SEZ6L: variants seen among roughly 807,000 people sequenced by gnomAD.
SEZ6L encodes seizure related 6 homolog like.
SEZ6L carries 37 observed loss-of-function variants against 106.2 expected under a neutral mutation model. That is an observed-to-expected ratio of 0.35 (90% CI 0.27 to 0.46). The LOEUF (loss-of-function observed/expected upper bound fraction) is 0.46. SEZ6L is among the 20% of genes least tolerant of loss of function. The pLI, the probability that SEZ6L is intolerant of heterozygous loss-of-function variation, is 1.00. For synonymous variants in SEZ6L, 541 were observed against 570.4 expected (o/e 0.95, Z 0.73); for missense variants, 1,172 against 1,332.8 (o/e 0.88, Z 1.88).
chr22:26,254,639 T>C (rs2144349), intron 1 of SEZ6L, among the ~76,000 whole-genome samples: 56,242 of 151,902 alleles, frequency 0.37, 11,241 homozygotes, highest in Middle Eastern at 0.51. Flanking sequence ...AAATAACACA[T>C]GTAAAACACC....
intron 1 of SEZ6L, among the ~76,000 whole-genome samples, chr22:26,240,901 AG>A (rs1352290414): frequency 3.9e-5 from 6 of 152,276 alleles, no homozygotes; most frequent in Non-Finnish European, 8.8e-5. Flanking sequence ...CATTCTGGAA[AG>A]GCCTAGGAAG....
At chr22:26,349,405 T>C (rs2083198489) in intron 11 of SEZ6L, among the ~76,000 whole-genome samples, 1 of 152,178 alleles carries the variant, frequency 6.6e-6, no homozygotes, top group African/African-American at 2.4e-5. Context: ...AATGATAGAA[T>C]AGAAAGTGAA....
intron 1 of SEZ6L, among the ~76,000 whole-genome samples, chr22:26,271,673 C>T (rs1368294578): frequency 6.6e-6 from 1 of 152,182 alleles, no homozygotes; most frequent in Non-Finnish European, 1.5e-5. Flanking sequence ...GATGTGATTG[C>T]TCCCGCTTCA....
At chr22:26,343,342 A>AAAAAT (rs139296447) in intron 10 of SEZ6L, among the ~76,000 whole-genome samples, 79 of 148,508 alleles carry the variant, frequency 5.3e-4, no homozygotes, top group African/African-American at 1.8e-3. Flanking sequence ...AAAAAAAAAA[A>AAAAAT]CTGACTGACT....
At chr22:26,310,600 T>C (rs1027223597) in intron 6 of SEZ6L, 70 bp from the exon 7 acceptor site, 11 of 1,537,768 alleles carry the variant, frequency 7.2e-6, no homozygotes, top group African/African-American at 6.8e-5. Flanking sequence ...TCGTAGCACA[T>C]CCCTTCCTCT....
chr22:26,176,042 T>C (rs1938977730), intron 1 of SEZ6L, among the ~76,000 whole-genome samples: 1 of 152,276 alleles, frequency 6.6e-6, no homozygotes, highest in Non-Finnish European at 1.5e-5. Context: ...ATAACACTGC[T>C]GTTTGCCATT....
intron 12 of SEZ6L, among the ~76,000 whole-genome samples, chr22:26,356,924 G>T (rs1272981233): frequency 6.6e-6 from 1 of 151,806 alleles, no homozygotes; most frequent in Non-Finnish European, 1.5e-5. Flanking sequence ...TAGTTCACAA[G>T]GGTCCAACAC....
intron 1 of SEZ6L, among the ~76,000 whole-genome samples, chr22:26,175,590 G>A (rs578141308): frequency 6.6e-6 from 1 of 152,214 alleles, no homozygotes; most frequent in South Asian, 2.1e-4. Flanking sequence ...TCCCAAAAAA[G>A]ATGAACATAG....
At chr22:26,277,107 T>TTC (rs2080573174) in intron 1 of SEZ6L, among the ~76,000 whole-genome samples, 1 of 129,764 alleles carries the variant, frequency 7.7e-6, no homozygotes, top group Non-Finnish European at 1.5e-5. Flanking sequence ...CACTGAGTCT[T>TTC]TTTTTTTTTT....
rs137200 is a variant in SEZ6L at position 26,286,745 on chromosome 22, C to CT, written c.95-5642dup. On this transcript the variant is annotated intron_variant, in intron 1 of 16. Coordinates refer to ENST00000248933, the MANE Select transcript of SEZ6L (RefSeq NM_021115.5). ...CAAACCTTCAGCTTCAGAGCTTGTG[C>CT]TTTTTTTTTTTTTTTTTTTGAGATG... Among the ~76,000 whole-genome samples the CT allele has an allele frequency of 3.8e-3, 449 of 118,616 alleles. 5 individuals are homozygous for CT. The highest frequency in any genetic ancestry group is 8.4e-3 in the South Asian group (31 of 3,688). The allele number at this position is 118,616 out of a possible 152,430, so 77.8% of individuals were successfully genotyped here. A position where few individuals can be genotyped will look rare whatever the true frequency, so the allele number is the denominator to read the frequency against.
intron 1 of SEZ6L, among the ~76,000 whole-genome samples, chr22:26,247,858 G>A (rs2079415756): frequency 6.6e-6 from 1 of 152,168 alleles, no homozygotes; most frequent in Admixed American, 6.5e-5. Context: ...CCATGCAAAG[G>A]TTGTAGAACA....
At chr22:26,310,548 C>T (rs2081788906) in intron 6 of SEZ6L, 122 bp from the exon 7 acceptor site, 1 of 1,059,182 alleles carries the variant, frequency 9.4e-7, no homozygotes, top group Non-Finnish European at 1.4e-6. Context: ...AAAAAAGAGG[C>T]AGAGTTAGGT....
At chr22:26,245,319 G>A (rs2145780651) in intron 1 of SEZ6L, among the ~76,000 whole-genome samples, 1 of 152,268 alleles carries the variant, frequency 6.6e-6, no homozygotes, top group South Asian at 2.1e-4. Context: ...GAAAAACTGG[G>A]ATGCAGTAAA....
intron 1 of SEZ6L, among the ~76,000 whole-genome samples, chr22:26,172,503 A>G (rs1938693500): frequency 6.6e-6 from 1 of 152,192 alleles, no homozygotes; most frequent in Non-Finnish European, 1.5e-5. Context: ...AAGCTGTTCA[A>G]ATGAGCTCGA....
At chr22:26,289,728 C>A (rs1308696113) in intron 1 of SEZ6L, among the ~76,000 whole-genome samples, 1 of 152,182 alleles carries the variant, frequency 6.6e-6, no homozygotes, top group Non-Finnish European at 1.5e-5. Flanking sequence ...GATTAAGCCA[C>A]CGCCGCCAAC....
intron 1 of SEZ6L, among the ~76,000 whole-genome samples, chr22:26,253,069 A>G (rs944049191): frequency 1.3e-5 from 2 of 152,192 alleles, no homozygotes; most frequent in African/African-American, 4.8e-5. Context: ...AGAGTGAATT[A>G]TTTCATTTAA....
Position 26,316,392 on chromosome 22 carries a change from G to A in SEZ6L, c.2015+2490G>A, listed in dbSNP as rs560499723. 7.2e-5 allele frequency among the ~76,000 whole-genome samples: 11 copies of A among 152,350 alleles called. No homozygotes were observed. The East Asian group carries it at 2.1e-3, about 29-fold the overall frequency. On this transcript the variant is annotated intron_variant, in intron 9 of 16. Coordinates refer to ENST00000248933, the MANE Select transcript of SEZ6L (RefSeq NM_021115.5). ...CAGTCCTCACCCTGCATGCCTAGCA[G>A]GTGAGGCAGGTAAGAAAGTAAATGC...
intron 1 of SEZ6L, among the ~76,000 whole-genome samples, chr22:26,201,935 A>G (rs1374693736): frequency 1.3e-5 from 2 of 152,156 alleles, no homozygotes; most frequent in Non-Finnish European, 2.9e-5. Context: ...TTTGCTTGAG[A>G]TGGAGTCTGG....
At chr22:26,283,461 T>C (rs932834607) in intron 1 of SEZ6L, among the ~76,000 whole-genome samples, 5 of 152,190 alleles carry the variant, frequency 3.3e-5, no homozygotes, top group African/African-American at 1.2e-4. Context: ...AAGTTGGTGG[T>C]AGAATACTAA....
Sources: allele counts gnomAD v4.1 joint callset (sites outside exome capture counted in the v4.1 genomes callset), GRCh38; gene constraint gnomAD v4.1.1; transcripts MANE v1.5; gene names NCBI Gene and HGNC (gene_info 2026-07-23, HGNC 2026-07-21).